MAML3: variants seen among roughly 807,000 people sequenced by gnomAD.
MAML3 encodes mastermind-like protein 3.
MAML3 carries 27 observed loss-of-function variants against 101.9 expected under a neutral mutation model. That is an observed-to-expected ratio of 0.27 (90% CI 0.20 to 0.37). The LOEUF is 0.37. Ranked by LOEUF, MAML3 falls within the 10% of genes least tolerant of loss-of-function variation. The pLI is 1.00. For synonymous variants in MAML3, 501 were observed against 555.9 expected (o/e 0.90, Z 1.39); for missense variants, 1,316 against 1,444.9 (o/e 0.91, Z 1.45).
At chr4:140,126,961 A>G (rs1249659885) in intron 1 of MAML3, among the ~76,000 whole-genome samples, 1 of 152,138 alleles carries the variant, frequency 6.6e-6, no homozygotes, top group East Asian at 1.9e-4. Flanking sequence ...GCCCTTCAAC[A>G]TCTTCTGCTG....
At chr4:140,106,338 C>T (rs1437529655) in intron 1 of MAML3, among the ~76,000 whole-genome samples, 2 of 152,138 alleles carry the variant, frequency 1.3e-5, no homozygotes, top group African/African-American at 2.4e-5. Context: ...CTATCATAAG[C>T]CCCCATTCTG....
chr4:139,975,336 A>G (rs1025178222), intron 1 of MAML3, among the ~76,000 whole-genome samples: 1 of 152,092 alleles, frequency 6.6e-6, no homozygotes, highest in Admixed American at 6.5e-5. Context: ...CTACTCCTTC[A>G]TGTAATTGCT....
chr4:140,092,948 G>GT (rs1224457143), intron 1 of MAML3, among the ~76,000 whole-genome samples: 2 of 152,200 alleles, frequency 1.3e-5, no homozygotes, highest in East Asian at 3.8e-4. Context: ...GCAGCTTAGT[G>GT]TGACAGCAGA....
chr4:140,068,011 GT>G (rs772915046), intron 1 of MAML3, among the ~76,000 whole-genome samples: 9 of 152,134 alleles, frequency 5.9e-5, no homozygotes, highest in Non-Finnish European at 7.4e-5. Context: ...AATTATAGAC[GT>G]GAGCCACCGC....
intron 1 of MAML3, among the ~76,000 whole-genome samples, chr4:139,957,767 T>C (rs1022233653): frequency 2.0e-5 from 3 of 152,206 alleles, no homozygotes; most frequent in Non-Finnish European, 4.4e-5. Flanking sequence ...CCAAAACTTA[T>C]GAAGCACCAA....
chr4:139,941,260 A>C (rs1733591080), intron 1 of MAML3, among the ~76,000 whole-genome samples: 1 of 152,182 alleles, frequency 6.6e-6, no homozygotes, highest in South Asian at 2.1e-4. Flanking sequence ...AGGGTGGAAG[A>C]CTTTCTAGCC....
At chr4:139,903,423 T>C (rs895714408) in intron 1 of MAML3, among the ~76,000 whole-genome samples, 5 of 152,218 alleles carry the variant, frequency 3.3e-5, no homozygotes, top group African/African-American at 1.2e-4. Context: ...TGTACCCTTA[T>C]TACAGAATCT....
chr4:139,950,751 C>G (rs888714718), intron 1 of MAML3, among the ~76,000 whole-genome samples: 3 of 152,202 alleles, frequency 2.0e-5, no homozygotes, highest in African/African-American at 7.2e-5. Context: ...ACAGCCTGGT[C>G]TGTGTAAGTC....
intron 1 of MAML3, among the ~76,000 whole-genome samples, chr4:139,930,007 C>T (rs911721224): frequency 9.9e-5 from 15 of 152,162 alleles, no homozygotes; most frequent in African/African-American, 2.4e-4. Context: ...CCCATCTCCC[C>T]GTTTGTACAG....
At chr4:139,946,919 A>ACTCTCTCT (rs1733741263) in intron 1 of MAML3, among the ~76,000 whole-genome samples, 1 of 76,274 alleles carries the variant, frequency 1.3e-5, no homozygotes, top group African/African-American at 4.3e-5. Flanking sequence ...ACACACACAC[A>ACTCTCTCT]CACACACTCT....
chr4:139,849,945 A>G (rs1731517245), intron 2 of MAML3, among the ~76,000 whole-genome samples: 1 of 152,214 alleles, frequency 6.6e-6, no homozygotes, highest in Non-Finnish European at 1.5e-5. Context: ...CTAACTATAA[A>G]CAAATATACT....
intron 1 of MAML3, among the ~76,000 whole-genome samples, chr4:139,928,856 G>A (rs920684266): frequency 2.0e-5 from 3 of 152,198 alleles, no homozygotes; most frequent in African/African-American, 7.2e-5. Flanking sequence ...AATGGAGGGG[G>A]ATTTGGCGGA....
At chr4:139,781,112 G>A (rs1209560105) in intron 2 of MAML3, among the ~76,000 whole-genome samples, 1 of 152,148 alleles carries the variant, frequency 6.6e-6, no homozygotes, top group Non-Finnish European at 1.5e-5. Context: ...TCTGGATGTT[G>A]CTTGAATTGT....
intron 2 of MAML3, among the ~76,000 whole-genome samples, chr4:139,796,892 G>C (rs1175994042): frequency 1.3e-5 from 2 of 152,178 alleles, no homozygotes; most frequent in African/African-American, 4.8e-5. Flanking sequence ...CCAGTAGTTA[G>C]GTTTTCCAGA....
At chr4:139,954,522 C>T (rs995620012) in intron 1 of MAML3, among the ~76,000 whole-genome samples, 7 of 152,250 alleles carry the variant, frequency 4.6e-5, no homozygotes, top group Admixed American at 1.3e-4. Flanking sequence ...CCAGAATGCA[C>T]GGAGTGGGGA....
chr4:139,831,716 G>GA (rs1409784784), intron 2 of MAML3, among the ~76,000 whole-genome samples: 2 of 151,138 alleles, frequency 1.3e-5, no homozygotes, highest in Non-Finnish European at 2.9e-5. Flanking sequence ...GTGGCCAGGA[G>GA]AAAAAAAATC....
At chr4:140,048,330 G>A (rs745916266) in intron 1 of MAML3, among the ~76,000 whole-genome samples, 1 of 152,156 alleles carries the variant, frequency 6.6e-6, no homozygotes. Context: ...AATAAACACA[G>A]GTTATCTTTT....
rs1729216528 is a variant in MAML3, at chr4:140,153,489, G to A, written c.-162C>T. Reference sequence around the variant, plus strand: ...CCGACGGGGCGAAAAAAACGGGGGGGGAGATTTTGGGGTGGTTTTTGTTTC... The same window carrying A: ...CCGACGGGGCGAAAAAAACGGGGGGAGAGATTTTGGGGTGGTTTTTGTTTC... On this transcript the variant is annotated 5_prime_UTR_variant, in exon 1 of 5. Coordinates refer to ENST00000509479, the MANE Select transcript of MAML3 (RefSeq NM_018717.5). 6.7e-6 allele frequency: 5 copies of A among 749,714 alleles called. No homozygotes were observed. The highest frequency in any genetic ancestry group is 3.2e-5 in the East Asian group (1 of 31,530). The allele number at this position is 749,714 out of a possible 1,614,324, so 46.4% of individuals were successfully genotyped here.
intron 2 of MAML3, among the ~76,000 whole-genome samples, chr4:139,834,283 T>C (rs536764586): frequency 9.9e-5 from 15 of 152,258 alleles, no homozygotes; most frequent in Non-Finnish European, 2.1e-4. Flanking sequence ...TGGTTAAACA[T>C]TGATCTTTCT....
Sources: gnomAD v4.1 joint callset for allele counts (sites outside exome capture counted in the v4.1 genomes callset) on GRCh38, gnomAD v4.1.1 for gene constraint, MANE v1.5 for transcripts, NCBI Gene and HGNC (gene_info 2026-07-23, HGNC 2026-07-21) for gene names.